AP3B1: variants seen among roughly 807,000 people sequenced by gnomAD.
AP3B1 encodes the protein adaptor related protein complex 3 subunit beta 1.
In AP3B1, 61 loss-of-function variants were observed where a neutral mutation model predicts 132.5. The observed-to-expected ratio is 0.46, with a 90% CI of 0.37 to 0.57. The LOEUF (loss-of-function observed/expected upper bound fraction) is 0.57. Among genes scored for constraint, AP3B1 ranks in the 20% least tolerant of loss-of-function variants. The pLI is 0.00. For synonymous variants in AP3B1, 388 were observed against 438.3 expected (o/e 0.89, Z 1.43); for missense variants, 1,120 against 1,289.4 (o/e 0.87, Z 2.01).
chr5:78,155,742 A>AT (rs146368188), intron 14 of AP3B1, among the ~76,000 whole-genome samples: 266 of 151,202 alleles, frequency 1.8e-3, no homozygotes, highest in East Asian at 5.4e-3. Flanking sequence ...TCAGTTATGG[A>AT]TTTTTTTTTA....
chr5:78,236,123 T>A lies in AP3B1; in HGVS notation c.279+4739A>T, dbSNP rs1395203234. The stretch of plus-strand genomic sequence containing the variant: ...CCAATAATTATGTTTATATTGACAT[T>A]TTTGTAACAGAACATTAGGCAGCTA... On this transcript the variant is annotated intron_variant, in intron 3 of 26. Transcript: ENST00000255194. Among the ~76,000 whole-genome samples, 3 of 152,194 alleles carry A rather than the reference T, an allele frequency of 2.0e-5. No individual in the cohort carries two copies. The East Asian group carries it at 5.8e-4, about 29-fold the overall frequency.
At chr5:78,223,231 G>A (rs1045575688) in intron 6 of AP3B1, among the ~76,000 whole-genome samples, 12 of 151,788 alleles carry the variant, frequency 7.9e-5, no homozygotes, top group African/African-American at 2.7e-4. Flanking sequence ...GGAACTCTGT[G>A]CTATACCACC....
Position 78,239,829 on chromosome 5 carries a change from C to T in AP3B1, c.279+1033G>A, listed in dbSNP as rs566593723. ...AATCATGATTGGGAGATTAAAAATT[C>T]CTCTCTCACCAACACTATCAATCAC... On this transcript the variant is annotated intron_variant, in intron 3 of 26. Coordinates refer to ENST00000255194, the MANE Select transcript of AP3B1 (RefSeq NM_003664.5). Among the ~76,000 whole-genome samples, 4 of 150,540 alleles carry T rather than the reference C, an allele frequency of 2.7e-5. No individual in the cohort carries two copies. In the East Asian group the frequency reaches 7.8e-4, roughly 29 times the overall value.
In AP3B1 at chr5:78,251,435, G is replaced by C. The variant is rs183082306; in HGVS notation, c.205-10499C>G. 1.1e-3 allele frequency among the ~76,000 whole-genome samples: 175 copies of C among 152,340 alleles called. 2 individuals carry two copies. The highest frequency in any genetic ancestry group is 3.7e-3 in the African/African-American group (155 of 41,588). On this transcript the variant is annotated intron_variant, in intron 2 of 26. Transcript: ENST00000255194. ...GAAAGAAGCACAGAAGAGATTAAAA[G>C]TAACAGTCCTGAATCACCAATGCCA... is the stretch of plus-strand genomic sequence containing the variant.
At chr5:78,099,651 C>A (rs1002087195) in intron 21 of AP3B1, among the ~76,000 whole-genome samples, 1 of 152,018 alleles carries the variant, frequency 6.6e-6, no homozygotes, top group Non-Finnish European at 1.5e-5. Flanking sequence ...AATCCCAGCA[C>A]GTTGGGAAGC....
intron 7 of AP3B1, among the ~76,000 whole-genome samples, chr5:78,203,560 T>C (rs1268737631): frequency 6.6e-6 from 1 of 152,172 alleles, no homozygotes; most frequent in Non-Finnish European, 1.5e-5. Context: ...TCATGTGTCT[T>C]GGTGTGCATT....
At chr5:78,262,049 G>A (rs547029740) in intron 2 of AP3B1, among the ~76,000 whole-genome samples, 19 of 152,202 alleles carry the variant, frequency 1.2e-4, no homozygotes, top group East Asian at 7.7e-4. Flanking sequence ...GATTACAGGC[G>A]TGAGCCACCA....
rs985886738 is a variant in AP3B1 at position 78,163,043 on chromosome 5, T to C, written c.1231-92A>G. The C allele has an allele frequency of 2.7e-5, 33 of 1,202,106 alleles. 1 individual carries two copies. The Middle Eastern group carries it at 4.0e-3, about 147-fold the overall frequency. 74.5% of individuals were successfully genotyped at this position (1,202,106 alleles called of 1,614,324 possible). On this transcript the variant is annotated intron_variant, in intron 12 of 26. Coordinates refer to ENST00000255194, the MANE Select transcript of AP3B1 (RefSeq NM_003664.5). Reference sequence around the variant, plus strand: ...TTAAACTTTGTCAATATATAAGAATTCCAGAATACATAAACTTCTCATAAG... The same window carrying C: ...TTAAACTTTGTCAATATATAAGAATCCCAGAATACATAAACTTCTCATAAG...
intron 7 of AP3B1, among the ~76,000 whole-genome samples, chr5:78,204,519 C>A (rs1745424357): frequency 6.6e-6 from 1 of 152,200 alleles, no homozygotes; most frequent in Non-Finnish European, 1.5e-5. Context: ...ATATTATCCA[C>A]AGGAGCTTCT....
In AP3B1 at chr5:78,088,521, G is replaced by T. The variant is rs1244265870; in HGVS notation, c.2577+872C>A. The stretch of plus-strand genomic sequence containing the variant: ...GAATTTTTTCCATAATAACACACAA[G>T]AATTAAACACTTCTTTTCTCCCACT... On this transcript the variant is annotated intron_variant, in intron 22 of 26. Coordinates refer to ENST00000255194, the MANE Select transcript of AP3B1 (RefSeq NM_003664.5). Among the ~76,000 whole-genome samples, 7 of 152,152 alleles carry T rather than the reference G, an allele frequency of 4.6e-5. No individual in the cohort carries two copies. The South Asian group carries it at 6.2e-4, about 14-fold the overall frequency.
intron 2 of AP3B1, 42 bp from the exon 3 acceptor site, chr5:78,240,978 A>G (rs941516598): frequency 1.4e-5 from 19 of 1,353,106 alleles, no homozygotes; most frequent in Middle Eastern, 4.0e-4. Context: ...AATTCTATAT[A>G]TATTAAATAT....
intron 17 of AP3B1, among the ~76,000 whole-genome samples, chr5:78,125,746 A>C (rs1027563073): frequency 2.0e-5 from 3 of 152,178 alleles, no homozygotes; most frequent in African/African-American, 7.2e-5. Context: ...ACCAATTATT[A>C]ATTTCATAAA....
chr5:78,067,529 C>T (rs1257924098), intron 22 of AP3B1, among the ~76,000 whole-genome samples: 1 of 152,198 alleles, frequency 6.6e-6, no homozygotes, highest in Non-Finnish European at 1.5e-5. Context: ...AAGTAAAACA[C>T]TCCTCAGCAA....
chr5:78,144,720 C>T (rs1040588556), intron 14 of AP3B1, among the ~76,000 whole-genome samples: 2 of 152,176 alleles, frequency 1.3e-5, no homozygotes, highest in Non-Finnish European at 2.9e-5. Flanking sequence ...CAATATTACT[C>T]AGTTTTTACA....
At chr5:78,118,746 G>A (rs1344201169) in intron 17 of AP3B1, among the ~76,000 whole-genome samples, 1 of 150,340 alleles carries the variant, frequency 6.7e-6, no homozygotes, top group East Asian at 1.9e-4. Flanking sequence ...CACCTCTGGG[G>A]CCAGGGCACA....
At chr5:78,234,727 C>T (rs941912361) in intron 3 of AP3B1, among the ~76,000 whole-genome samples, 4 of 152,180 alleles carry the variant, frequency 2.6e-5, no homozygotes, top group African/African-American at 9.6e-5. Flanking sequence ...TATTACATTG[C>T]TTGGCATATA....
chr5:78,179,470 G>T (rs1449884770), intron 8 of AP3B1, among the ~76,000 whole-genome samples: 1 of 152,120 alleles, frequency 6.6e-6, no homozygotes, highest in Non-Finnish European at 1.5e-5. Flanking sequence ...TTGATACCCA[G>T]ATTTGAAATG....
chr5:78,033,050 TC>T lies in AP3B1; in HGVS notation c.2894+1310del, dbSNP rs1264600603. Among the ~76,000 whole-genome samples the T allele has an allele frequency of 2.0e-5, 3 of 152,268 alleles. No homozygotes were observed. In the East Asian group the frequency reaches 5.8e-4, roughly 29 times the overall value. ...TCCAATTACATAGGAATCAAAAGGT[TC>T]TTTATACAAATTGATAAGAAAAAGG... On this transcript the variant is annotated intron_variant, in intron 24 of 26. Transcript: ENST00000255194.
At chr5:78,251,157 C>T (rs933652612) in intron 2 of AP3B1, among the ~76,000 whole-genome samples, 1 of 152,024 alleles carries the variant, frequency 6.6e-6, no homozygotes, top group Non-Finnish European at 1.5e-5. Context: ...AAACACAGAC[C>T]GTATCTTGAA....
Sources: gnomAD v4.1 joint callset for allele counts (sites outside exome capture counted in the v4.1 genomes callset) on GRCh38, gnomAD v4.1.1 for gene constraint, MANE v1.5 for transcripts, NCBI Gene and HGNC (gene_info 2026-07-23, HGNC 2026-07-21) for gene names.